The following ROR1 variants were observed in gnomAD, a reference collection of about 807,000 sequenced individuals.
The protein encoded by ROR1 is ROR family WNT receptor 1, also known as inactive tyrosine-protein kinase transmembrane receptor ROR1.
Under a neutral mutation model 78.8 loss-of-function variants are expected in ROR1, and 19 were observed. That is an observed-to-expected ratio of 0.24 (90% CI 0.17 to 0.35). The LOEUF (loss-of-function observed/expected upper bound fraction) is 0.35, where lower values mean the gene tolerates loss of function less well. Ranked by LOEUF, ROR1 falls within the 10% of genes least tolerant of loss-of-function variation. ROR1 has a pLI of 1.00. For synonymous variants in ROR1, 386 were observed against 433.6 expected, an observed-to-expected ratio of 0.89 and a Z score of 1.36; for missense variants, 917 against 1,177.8, an observed-to-expected ratio of 0.78 and a Z score of 3.24.
At chr1:63,955,557 C>T (rs891878494) in intron 1 of ROR1, among the ~76,000 whole-genome samples, 7 of 152,058 alleles carry the variant, frequency 4.6e-5, no homozygotes, top group African/African-American at 1.2e-4. Flanking sequence ...TGAAAGGGGG[C>T]GTAAATCAAA....
At chr1:64,134,462 T>C (rs957968088) in intron 4 of ROR1, among the ~76,000 whole-genome samples, 1 of 152,206 alleles carries the variant, frequency 6.6e-6, no homozygotes, top group Non-Finnish European at 1.5e-5. Flanking sequence ...AGCAAGTTAC[T>C]TAACTTCTCT....
intron 1 of ROR1, among the ~76,000 whole-genome samples, chr1:63,886,027 G>A (rs2100381520): frequency 6.6e-6 from 1 of 152,252 alleles, no homozygotes; most frequent in Non-Finnish European, 1.5e-5. Flanking sequence ...CCCATCTGGG[G>A]TGATGGGAGA....
intron 1 of ROR1, among the ~76,000 whole-genome samples, chr1:63,921,739 C>G (rs1445304478): frequency 6.6e-6 from 1 of 152,108 alleles, no homozygotes; most frequent in Non-Finnish European, 1.5e-5. Context: ...GGCTCATTTA[C>G]AGACTTGCTA....
At chr1:64,096,234 T>C (rs1647296103) in intron 4 of ROR1, among the ~76,000 whole-genome samples, 1 of 152,156 alleles carries the variant, frequency 6.6e-6, no homozygotes. Flanking sequence ...TTTTTTTTAA[T>C]TTTTTACTTT....
intron 2 of ROR1, 90 bp from the exon 3 acceptor site, chr1:64,049,601 A>G (rs1418872738): frequency 8.7e-7 from 1 of 1,154,524 alleles, no homozygotes; most frequent in Non-Finnish European, 1.2e-6. Context: ...CCTCTCTGTG[A>G]TCCCAAGGGT....
chr1:63,849,789 T>C (rs1645102655), intron 1 of ROR1, among the ~76,000 whole-genome samples: 1 of 152,216 alleles, frequency 6.6e-6, no homozygotes, highest in Non-Finnish European at 1.5e-5. Context: ...TCTAGACCAA[T>C]CCATTGCTAA....
rs1243372568 is a variant in ROR1 at position 63,774,400 on chromosome 1, G to A, written c.-18G>A. The stretch of plus-strand genomic sequence containing the variant: ...CGGCCTGGGAGCCGCCGCCGCCGCC[G>A]CCTCAGCGAGAGGAGGAATGCACCG... On this transcript the variant is annotated 5_prime_UTR_variant, in exon 1 of 9. Coordinates refer to ENST00000371079, the MANE Select transcript of ROR1 (RefSeq NM_005012.4). This position sits in a 1 kb window ranked among gnomAD's most constrained non-coding sequence, Gnocchi z 5.7. The A allele has an allele frequency of 1.6e-6, 2 of 1,251,988 alleles. No individual in the cohort carries two copies. Among genetic ancestry groups the A allele is most frequent in the Non-Finnish European group, 2.0e-6 (2 of 992,916 alleles). The allele number at this position is 1,251,988 out of a possible 1,614,324, so 77.6% of individuals were successfully genotyped here. A position where few individuals can be genotyped will look rare whatever the true frequency, so the allele number is the denominator to read the frequency against.
At chr1:63,902,283 C>T (rs577771770) in intron 1 of ROR1, among the ~76,000 whole-genome samples, 6 of 151,620 alleles carry the variant, frequency 4.0e-5, no homozygotes, top group Admixed American at 1.3e-4. Flanking sequence ...GGGAAACTTC[C>T]GAACCTTAGT....
chr1:63,970,941 C>T (rs1408401049), intron 1 of ROR1, among the ~76,000 whole-genome samples: 1 of 152,166 alleles, frequency 6.6e-6, no homozygotes, highest in African/African-American at 2.4e-5. Flanking sequence ...TTAGCTCTAA[C>T]CTTCTATGTT....
intron 4 of ROR1, chr1:64,095,007 G>A (rs1199072439): frequency 6.6e-6 from 1 of 152,186 alleles, no homozygotes; most frequent in Non-Finnish European, 1.5e-5. Flanking sequence ...TCTTGTTGCA[G>A]TCAGTCATGC....
chr1:63,947,129 C>T (rs1027596787), intron 1 of ROR1, among the ~76,000 whole-genome samples: 4 of 152,146 alleles, frequency 2.6e-5, no homozygotes, highest in Non-Finnish European at 2.9e-5. Flanking sequence ...CGGTGATTGG[C>T]GTCCTGAGTA....
chr1:63,940,469 A>G (rs560063775), intron 1 of ROR1, among the ~76,000 whole-genome samples: 4 of 147,042 alleles, frequency 2.7e-5, no homozygotes, highest in East Asian at 4.1e-4. Context: ...AAGTACGTAG[A>G]TAGATAGATA....
chr1:63,793,365 A>G (rs1315602638), intron 1 of ROR1, among the ~76,000 whole-genome samples: 1 of 152,240 alleles, frequency 6.6e-6, no homozygotes, highest in South Asian at 2.1e-4. Flanking sequence ...ATAATCTATT[A>G]TATATTTCAA....
intron 4 of ROR1, among the ~76,000 whole-genome samples, chr1:64,098,690 G>A (rs770460833): frequency 3.9e-5 from 6 of 152,270 alleles, no homozygotes; most frequent in Admixed American, 1.3e-4. Context: ...GCATAGTCCA[G>A]CCAGAGGGGA....
At chr1:64,046,350 T>C (rs977714055) in intron 2 of ROR1, among the ~76,000 whole-genome samples, 1 of 152,106 alleles carries the variant, frequency 6.6e-6, no homozygotes, top group African/African-American at 2.4e-5. Flanking sequence ...AAACTTCTTC[T>C]TCGTCAGTGA....
chr1:63,902,304 C>T (rs1462812057), intron 1 of ROR1, among the ~76,000 whole-genome samples: 5 of 151,702 alleles, frequency 3.3e-5, no homozygotes, highest in African/African-American at 1.2e-4. Flanking sequence ...GTGGTCAGAC[C>T]CTAGTAGACA....
chr1:64,120,160 A>G (rs1648476309), intron 4 of ROR1, among the ~76,000 whole-genome samples: 2 of 152,298 alleles, frequency 1.3e-5, no homozygotes, highest in South Asian at 4.1e-4. Flanking sequence ...CTGGCTGATG[A>G]TGATTATTAT....
At chr1:63,984,574 C>T (rs1427128074) in intron 1 of ROR1, among the ~76,000 whole-genome samples, 1 of 152,174 alleles carries the variant, frequency 6.6e-6, no homozygotes, top group Non-Finnish European at 1.5e-5. Context: ...CTACTATTAA[C>T]TTTATGTTGA....
chr1:64,178,553 C>A lies in ROR1; in HGVS notation c.2512C>A (p.Pro838Thr), dbSNP rs758427579. The A allele has an allele frequency of 5.6e-5, 90 of 1,614,192 alleles. 2 individuals carry two copies. In the South Asian group the frequency reaches 9.9e-4, roughly 18 times the overall value. ...AGCGTTTCCAGCTGCCCACTACCAG[C>A]CAACAGGTCCTCCCAGAGTGATTCA... ...YAAFPAAHYQPTGPPRVIQHC... is the reference protein window; with the variant it reads ...YAAFPAAHYQTTGPPRVIQHC... The change falls in exon 9 of 9, where the codon CCA becomes ACA. Residue 838 changes from proline to threonine, a missense_variant. This residue lies in a region of ROR1 where 835 missense variants were observed against 1,069.8 expected (regional missense o/e 0.78). Coordinates refer to ENST00000371079, the MANE Select transcript of ROR1 (RefSeq NM_005012.4). The surrounding 1 kb of genome is among the most constrained non-coding windows in gnomAD (Gnocchi z 4.3).
Sources: allele counts gnomAD v4.1 joint callset (sites outside exome capture counted in the v4.1 genomes callset), GRCh38; gene constraint gnomAD v4.1.1; regional missense constraint gnomAD v4.1.1; non-coding constraint Gnocchi (gnomAD v3.1); transcripts MANE v1.5; gene names NCBI Gene and HGNC (gene_info 2026-07-23, HGNC 2026-07-21).